The following DENND3 variants were observed in gnomAD, a reference collection of about 807,000 sequenced individuals.
DENND3 encodes DENN domain containing 3.
A neutral mutation model predicts 135.1 loss-of-function variants in DENND3; 88 were observed. The ratio of observed to expected loss-of-function variants is 0.65; its 90% CI spans 0.55 to 0.78. The LOEUF is 0.78. DENND3 is among the 30% of genes least tolerant of loss of function. The probability of loss-of-function intolerance (pLI) is 0.00; values close to 1 mark genes in which losing one functional copy is unlikely to be tolerated. For synonymous variants in DENND3, 693 were observed against 712.3 expected (o/e 0.97, Z 0.43); for missense variants, 1,392 against 1,688.4 (o/e 0.82, Z 3.08).
In DENND3 at chr8:141,192,586, G is replaced by A. The variant is rs370665995; in HGVS notation, c.3559G>A (p.Asp1187Asn). The change falls in exon 22 of 23, where the codon GAC (aspartate) becomes AAC (asparagine). Residue 1187 changes from aspartate to asparagine, a missense_variant. By Grantham distance (23) the Asp-to-Asn change is conservative. Transcript: ENST00000519811. ...RSEVYIWSLK[D>N]LAQPPQRVPL... The stretch of plus-strand genomic sequence containing the variant: ...CGAGGTTTACATCTGGAGCCTGAAG[G>A]ACCTGGCCCAGCCCCCGCAGAGGGT... The A allele has an allele frequency of 4.1e-5, 65 of 1,582,402 alleles. No individual in the cohort carries two copies. The highest frequency in any genetic ancestry group is 5.4e-5 in the Non-Finnish European group (63 of 1,161,732).
In DENND3 at chr8:141,182,973, C is replaced by T. The variant is rs960156150; in HGVS notation, c.2944+2119C>T. 5.9e-5 allele frequency among the ~76,000 whole-genome samples: 9 copies of T among 152,164 alleles called. No individual in the cohort carries two copies. The highest frequency in any genetic ancestry group is 2.1e-4 in the South Asian group (1 of 4,828). On this transcript the variant is annotated intron_variant, in intron 17 of 22. Transcript: ENST00000519811. The surrounding 1 kb of genome is among the most constrained non-coding windows in gnomAD (Gnocchi z 5.9). ...GAGGCCTGCCCTTCTGGACTCAGGA[C>T]GGAGGCAGCACTGCAGGGCGGGGGG...
At chr8:141,172,986 GA>G (rs1043152611) in intron 13 of DENND3, among the ~76,000 whole-genome samples, 1 of 152,210 alleles carries the variant, frequency 6.6e-6, no homozygotes, top group African/African-American at 2.4e-5. Context: ...GAACCCCTGG[GA>G]AGTGTAGGCT....
chr8:141,174,523 C>T lies in DENND3; in HGVS notation c.2276-677C>T, dbSNP rs1044129817. 3.3e-5 allele frequency among the ~76,000 whole-genome samples: 5 copies of T among 152,142 alleles called. No homozygotes were observed. Among genetic ancestry groups the T allele is most frequent in the African/African-American group, 4.8e-5 (2 of 41,424 alleles). On this transcript the variant is annotated intron_variant, in intron 13 of 22. Transcript: ENST00000519811. This position sits in a 1 kb window ranked among gnomAD's most constrained non-coding sequence, Gnocchi z 4.6. ...TCTCCCGCTGACAGATAAGCAGGTT[C>T]GTTCCGCGACTTGCCAGGAGTCTCT...
At chr8:141,132,538 G>A (rs1816257827) in intron 1 of DENND3, among the ~76,000 whole-genome samples, 1 of 152,056 alleles carries the variant, frequency 6.6e-6, no homozygotes, top group Non-Finnish European at 1.5e-5. Context: ...TGTATTTTTA[G>A]TAGAGAGGGG....
Position 141,175,100 on chromosome 8 carries a change from G to A in DENND3, c.2276-100G>A. 3.5e-6 allele frequency: 5 copies of A among 1,417,652 alleles called. No individual in the cohort carries two copies. Among genetic ancestry groups the A allele is most frequent in the Non-Finnish European group, 3.8e-6 (4 of 1,054,138 alleles). 87.8% of individuals were successfully genotyped at this position (1,417,652 alleles called of 1,614,324 possible). ...GAGTGCTGGCGCCACCTGCTGCCGG[G>A]TTCCGGTAGTGTGCGGTTTCTTCAG... On this transcript the variant is annotated intron_variant, in intron 13 of 22. Transcript: ENST00000519811. This position sits in a 1 kb window ranked among gnomAD's most constrained non-coding sequence, Gnocchi z 5.4.
In DENND3 at chr8:141,130,967, G is replaced by A. The variant is rs929738753; in HGVS notation, c.102+2158G>A. On this transcript the variant is annotated intron_variant, in intron 1 of 22. Transcript: ENST00000519811. The surrounding 1 kb of genome is among the most constrained non-coding windows in gnomAD (Gnocchi z 4.2). ...CCCAAAGTGTTGGGATTATAGGTGT[G>A]AGCCACCGCACCTGGCCGCTTTTAA... 2.0e-5 allele frequency among the ~76,000 whole-genome samples: 3 copies of A among 152,256 alleles called. No homozygotes were observed. The South Asian group carries it at 6.2e-4, about 32-fold the overall frequency.
intron 7 of DENND3, among the ~76,000 whole-genome samples, chr8:141,153,981 G>T (rs1819132170): frequency 6.6e-6 from 1 of 152,222 alleles, no homozygotes. Context: ...GGTGGGATCT[G>T]CAGGAAGGAG....
Position 141,167,800 on chromosome 8 carries a change from C to T in DENND3, c.1754-204C>T, listed in dbSNP as rs1341795808. 2.0e-5 allele frequency among the ~76,000 whole-genome samples: 3 copies of T among 152,154 alleles called. No homozygotes were observed. The highest frequency in any genetic ancestry group is 4.4e-5 in the Non-Finnish European group (3 of 68,026). On this transcript the variant is annotated intron_variant, in intron 12 of 22. Transcript: ENST00000519811. The surrounding 1 kb of genome is among the most constrained non-coding windows in gnomAD (Gnocchi z 4.1). ...TCAGTGAATGCTAGCTGCTATTCTCCTTGGGGTACCATGGAAGCAAAGTGA... is the reference window on the plus strand; with the variant it reads ...TCAGTGAATGCTAGCTGCTATTCTCTTTGGGGTACCATGGAAGCAAAGTGA...
At chr8:141,164,860 T>C (rs1433329414) in intron 10 of DENND3, among the ~76,000 whole-genome samples, 1 of 152,238 alleles carries the variant, frequency 6.6e-6, no homozygotes, top group Non-Finnish European at 1.5e-5. Context: ...TTATCGAGTT[T>C]CCTCATAGTT....
chr8:141,184,866 C>T (rs1471047490), intron 17 of DENND3: 3 of 334,088 alleles, frequency 9.0e-6, no homozygotes, highest in Non-Finnish European at 1.7e-5. Flanking sequence ...CTGGCAGGTC[C>T]TGGCTTAGCA....
At position 141,151,602 on chromosome 8, in the gene DENND3, G is replaced by A; in HGVS notation, c.856-17G>A. 1.9e-6 allele frequency: 3 copies of A among 1,611,214 alleles called. No homozygotes were observed. Among genetic ancestry groups the A allele is most frequent in the Non-Finnish European group, 2.5e-6 (3 of 1,177,498 alleles). ...TTTTTAAAAGCATGTACTCAGTGCG[G>A]CGGGTTCTCCCCTCAGATCCTGACA... On this transcript the variant is annotated splice_polypyrimidine_tract_variant and intron_variant, in intron 6 of 22. Coordinates refer to ENST00000519811, the MANE Select transcript of DENND3 (RefSeq NM_001352890.3).
chr8:141,151,201 G>T (rs914285943), intron 6 of DENND3, among the ~76,000 whole-genome samples: 19 of 152,208 alleles, frequency 1.2e-4, no homozygotes, highest in African/African-American at 4.3e-4. Flanking sequence ...GGAAGAGCCC[G>T]CAGTCAGTCT....
At position 141,151,648 on chromosome 8, in the gene DENND3, G is replaced by A; in HGVS notation, c.885G>A (p.Arg295=). 6.2e-7 allele frequency: 1 copy of A among 1,614,098 alleles called. No homozygotes were observed. The highest frequency in any genetic ancestry group is 8.5e-7 in the Non-Finnish European group (1 of 1,180,020). The change falls in exon 7 of 23, where the codon CGG becomes CGA. Residue 295 remains arginine (R), a synonymous_variant. Coordinates refer to ENST00000519811, the MANE Select transcript of DENND3 (RefSeq NM_001352890.3). ...QILTCILTEQ[R]IVFFSSDWAL... is the part of the protein sequence containing the mutation. ...TGACATGCATCCTGACGGAACAGCG[G>A]ATCGTCTTCTTCTCCTCGGACTGGG... is the stretch of plus-strand genomic sequence containing the variant.
At position 141,139,496 on chromosome 8, in the gene DENND3, T is replaced by G. The variant is rs1303931755; in HGVS notation, c.501+1359T>G. On this transcript the variant is annotated intron_variant, in intron 3 of 22. Coordinates refer to ENST00000519811, the MANE Select transcript of DENND3 (RefSeq NM_001352890.3). This position sits in a 1 kb window ranked among gnomAD's most constrained non-coding sequence, Gnocchi z 4.2. ...TGCAGGGGACCAGCGTCCGCCTCTG[T>G]GACCTGGCTGCCAGCAGCCCCAGGC... 6.6e-6 allele frequency among the ~76,000 whole-genome samples: 1 copy of G among 152,192 alleles called. No individual in the cohort carries two copies. Among genetic ancestry groups the G allele is most frequent in the Non-Finnish European group, 1.5e-5 (1 of 68,014 alleles).
chr8:141,189,241 G>A, intron 19 of DENND3, 95 bp downstream of exon 19: 3 of 1,525,446 alleles, frequency 2.0e-6, no homozygotes, highest in Admixed American at 1.9e-5. Flanking sequence ...GCCCACAGGG[G>A]CCAGGCGGGG....
In DENND3 at chr8:141,141,064, G is replaced by A. The variant is rs946522914; in HGVS notation, c.502-139G>A. The A allele has an allele frequency of 5.3e-6, 7 of 1,319,136 alleles. No homozygotes were observed. In the East Asian group the frequency reaches 7.0e-5, roughly 13 times the overall value. 81.7% of individuals were successfully genotyped at this position (1,319,136 alleles called of 1,614,324 possible). On this transcript the variant is annotated intron_variant, in intron 3 of 22. Transcript: ENST00000519811. The surrounding 1 kb of genome is among the most constrained non-coding windows in gnomAD (Gnocchi z 5.3). ...CCCCGTAGACTTCGACCGGAGGGCC[G>A]GTGCTGGCTTGGACGCGTTGCAGGG...
rs899812280 is a variant in DENND3 at position 141,182,836 on chromosome 8, CCAGGCCACAGGT to C, written c.2944+1986_2944+1997del. Among the ~76,000 whole-genome samples, 1 of 152,198 alleles carries C rather than the reference CCAGGCCACAGGT, an allele frequency of 6.6e-6. No homozygotes were observed. On this transcript the variant is annotated intron_variant, in intron 17 of 22. Coordinates refer to ENST00000519811, the MANE Select transcript of DENND3 (RefSeq NM_001352890.3). The surrounding 1 kb of genome is among the most constrained non-coding windows in gnomAD (Gnocchi z 5.9). ...GGAGTTAGGAGAACCAGCCCTGAGG[CCAGGCCACAGGT>C]CAGCTCAGGCTCTGCCCATGGGGAG...
chr8:141,157,281 G>A, intron 8 of DENND3: 1 of 985,130 alleles, frequency 1.0e-6, no homozygotes, highest in South Asian at 4.7e-5. Flanking sequence ...GAGAGGAGGT[G>A]TAATTGCTAA....
At chr8:141,172,452 G>C (rs1414936042) in intron 13 of DENND3, among the ~76,000 whole-genome samples, 1 of 152,150 alleles carries the variant, frequency 6.6e-6, no homozygotes, top group Non-Finnish European at 1.5e-5. Context: ...TCACACTGAG[G>C]TCAGCGCTGT....
Sources: allele counts gnomAD v4.1 joint callset (sites outside exome capture counted in the v4.1 genomes callset), GRCh38; gene constraint gnomAD v4.1.1; non-coding constraint Gnocchi (gnomAD v3.1); transcripts MANE v1.5; gene names NCBI Gene and HGNC (gene_info 2026-07-23, HGNC 2026-07-21).